Variants in KIFBP observed in about 807,000 individuals in gnomAD.
KIFBP encodes the protein kinesin family binding protein, also known as KIF-binding protein.
KIFBP carries 46 observed loss-of-function variants against 58.9 expected under a neutral mutation model. That is an observed-to-expected ratio of 0.78 (90% CI 0.62 to 1.00). The LOEUF (loss-of-function observed/expected upper bound fraction) is 1.00, where lower values mean the gene tolerates loss of function less well. Ranked by LOEUF, KIFBP falls within the 50% of genes least tolerant of loss-of-function variation. KIFBP has a pLI of 0.00. For synonymous variants in KIFBP, 241 were observed against 283.4 expected (o/e 0.85, Z 1.50); for missense variants, 651 against 752.9 (o/e 0.86, Z 1.58).
chr10:68,997,963 T>C (rs1412042910), intron 1 of KIFBP, among the ~76,000 whole-genome samples: 1 of 151,714 alleles, frequency 6.6e-6, no homozygotes, highest in African/African-American at 2.4e-5. Flanking sequence ...TCTGAAACCA[T>C]GAAACCATGA....
chr10:68,989,020 C>G lies in KIFBP; in HGVS notation c.188C>G (p.Ala63Gly), dbSNP rs774462618. The G allele has an allele frequency of 3.1e-6, 5 of 1,613,930 alleles. No homozygotes were observed. Among genetic ancestry groups the G allele is most frequent in the Non-Finnish European group, 4.2e-6 (5 of 1,179,894 alleles). ...GAGGACGAGGATGAGCGGCCTGAGG[C>G]CGAGGACGGCCCGGGTGCCGGTGAC... is the stretch of plus-strand genomic sequence containing the variant. Reference protein sequence around the residue: ...APEDEDERPEAEDGPGAGDHA... With the variant: ...APEDEDERPEGEDGPGAGDHA... The change falls in exon 1 of 7, where the codon GCC (alanine) becomes GGC (glycine). Residue 63 changes from alanine (A) to glycine (G), a missense_variant. Ala to Gly is a moderately conservative substitution (Grantham distance 60, BLOSUM62 0). Coordinates refer to ENST00000361983, the MANE Select transcript of KIFBP (RefSeq NM_015634.4).
In KIFBP at chr10:69,015,636, T is replaced by C. The variant is rs1178133354; in HGVS notation, c.1086T>C (p.Ala362=). ...LDEEESIRKK[A]VQFGTGELCD... ...AGGAGGAAAGCATTCGGAAAAAAGC[T>C]GTGCAGTTTGGAACCGGTGAACTGT... The change falls in exon 7 of 7, where the codon GCT becomes GCC. Residue 362 remains alanine, a synonymous_variant. Coordinates refer to ENST00000361983, the MANE Select transcript of KIFBP (RefSeq NM_015634.4). 1.2e-6 allele frequency: 2 copies of C among 1,614,072 alleles called. No individual in the cohort carries two copies.
chr10:69,008,391 A>AATAATATATAT lies in KIFBP; in HGVS notation c.790-447_790-446insATATATATATA, dbSNP rs1554843386. On this transcript the variant is annotated intron_variant, in intron 4 of 6. Transcript: ENST00000361983. ...CCCCTGTCTCGTAAAAAAAAAAAAA[A>AATAATATATAT]ATATATATATATATATATATATATA... 3.9e-4 allele frequency among the ~76,000 whole-genome samples: 28 copies of AATAATATATAT among 71,616 alleles called. 1 individual carries two copies. Among genetic ancestry groups the AATAATATATAT allele is most frequent in the African/African-American group, 1.6e-3 (21 of 12,886 alleles). 47.0% of individuals were successfully genotyped at this position (71,616 alleles called of 152,430 possible).
At chr10:68,995,367 C>G (rs1458599576) in intron 1 of KIFBP, 2 of 152,106 alleles carry the variant, frequency 1.3e-5, no homozygotes, top group Non-Finnish European at 2.9e-5. Context: ...CTTTTTTCCA[C>G]TCAACATCGT....
At chr10:69,000,366 G>T in intron 1 of KIFBP, 58 bp from the exon 2 acceptor site, 1 of 1,149,332 alleles carries the variant, frequency 8.7e-7, no homozygotes, top group Admixed American at 1.7e-5. Context: ...AACTATGAAA[G>T]TTACTTTAAT....
At chr10:69,003,867 T>C in intron 2 of KIFBP, among the ~76,000 whole-genome samples, 1 of 152,218 alleles carries the variant, frequency 6.6e-6, no homozygotes, top group South Asian at 2.1e-4. Context: ...TTTTCCTATT[T>C]GTTTTGCTTA....
At chr10:68,994,159 C>T (rs1206578856) in intron 1 of KIFBP, among the ~76,000 whole-genome samples, 1 of 151,408 alleles carries the variant, frequency 6.6e-6, no homozygotes, top group Non-Finnish European at 1.5e-5. Flanking sequence ...GCACTCCAGC[C>T]TGGGTGACAG....
intron 1 of KIFBP, chr10:68,991,549 G>T (rs956121236): frequency 6.9e-6 from 3 of 434,380 alleles, no homozygotes; most frequent in South Asian, 1.8e-5. Flanking sequence ...CAAAGCTAAG[G>T]CATTGGCAGC....
At chr10:68,991,988 TTTTTTA>T (rs758300375) in intron 1 of KIFBP, among the ~76,000 whole-genome samples, 1 of 151,400 alleles carries the variant, frequency 6.6e-6, no homozygotes, top group East Asian at 1.9e-4. Context: ...TTTTTGCTTG[TTTTTTA>T]TTTTTATTTT....
Position 68,991,236 on chromosome 10 carries a change from C to T in KIFBP, c.426+1978C>T, listed in dbSNP as rs553741219. The T allele has an allele frequency of 2.6e-4, 40 of 156,070 alleles. 1 individual carries two copies. Among genetic ancestry groups the T allele is most frequent in the South Asian group, 1.9e-3 (10 of 5,376 alleles). 9.7% of individuals were successfully genotyped at this position (156,070 alleles called of 1,614,324 possible). On this transcript the variant is annotated intron_variant, in intron 1 of 6. Transcript: ENST00000361983. Reference sequence around the variant, plus strand: ...GGCTTCCTTTACTTACCAGCAGCTCCAGGGCCTCTGAGACCTTCTAACAGT... The same window carrying T: ...GGCTTCCTTTACTTACCAGCAGCTCTAGGGCCTCTGAGACCTTCTAACAGT...
In KIFBP at chr10:69,016,592, C is replaced by T; in HGVS notation, c.*176C>T. The T allele has an allele frequency of 1.6e-6, 1 of 608,494 alleles. No individual in the cohort carries two copies. Among genetic ancestry groups the T allele is most frequent in the South Asian group, 2.3e-5 (1 of 44,212 alleles). The allele number at this position is 608,494 out of a possible 1,614,324, so 37.7% of individuals were successfully genotyped here. ...TAAGGAACATAAAGTTAATTAAAAA[C>T]TTACACCTAATTATGTAAATTGCCT... On this transcript the variant is annotated 3_prime_UTR_variant, in exon 7 of 7. Coordinates refer to ENST00000361983, the MANE Select transcript of KIFBP (RefSeq NM_015634.4).
chr10:68,994,930 G>C (rs1843389650), intron 1 of KIFBP, among the ~76,000 whole-genome samples: 1 of 151,750 alleles, frequency 6.6e-6, no homozygotes, highest in African/African-American at 2.4e-5. Context: ...TAGAGACAGG[G>C]TCTTACTATG....
At chr10:69,011,192 C>T (rs183230476) in intron 6 of KIFBP, 177 bp downstream of exon 6, 139 of 591,714 alleles carry the variant, frequency 2.3e-4, no homozygotes, top group African/African-American at 1.4e-3. Context: ...TGCTTGAATC[C>T]GGGAGGCAGA....
chr10:69,005,197 A>T (rs1323898577), intron 3 of KIFBP, 72 bp downstream of exon 3: 3 of 1,124,744 alleles, frequency 2.7e-6, no homozygotes, highest in Admixed American at 3.5e-5. Flanking sequence ...TCAAAAAGTC[A>T]CTTATAAAGG....
At chr10:69,014,598 G>A (rs1268647489) in intron 6 of KIFBP, among the ~76,000 whole-genome samples, 1 of 152,102 alleles carries the variant, frequency 6.6e-6, no homozygotes, top group Non-Finnish European at 1.5e-5. Flanking sequence ...AAGATCATTG[G>A]TGAGACAGTG....
chr10:69,013,314 A>G (rs1843613138), intron 6 of KIFBP, among the ~76,000 whole-genome samples: 2 of 152,222 alleles, frequency 1.3e-5, no homozygotes, highest in Admixed American at 6.5e-5. Flanking sequence ...ATAGGTCTTG[A>G]AAAGATGAAG....
chr10:69,016,558 C>G lies in KIFBP; in HGVS notation c.*142C>G. 1 of 776,094 alleles carries G rather than the reference C, an allele frequency of 1.3e-6. No individual in the cohort carries two copies. The highest frequency in any genetic ancestry group is 2.1e-6 in the Non-Finnish European group (1 of 473,192). 48.1% of individuals were successfully genotyped at this position (776,094 alleles called of 1,614,324 possible). Reference sequence around the variant, plus strand: ...TGAGATACAGTCAACTGAGTGTTTGCTAGGATCCTAAGGAACATAAAGTTA... The same window carrying G: ...TGAGATACAGTCAACTGAGTGTTTGGTAGGATCCTAAGGAACATAAAGTTA... On this transcript the variant is annotated 3_prime_UTR_variant, in exon 7 of 7. Transcript: ENST00000361983.
At chr10:69,003,173 G>A (rs2246006) in intron 2 of KIFBP, among the ~76,000 whole-genome samples, 12,104 of 152,128 alleles carry the variant, frequency 0.08, 661 homozygotes, top group African/African-American at 0.15. Flanking sequence ...TTAAGAGACT[G>A]ATTTGACTGT....
At chr10:69,011,463 G>A (rs1843590521) in intron 6 of KIFBP, among the ~76,000 whole-genome samples, 1 of 145,138 alleles carries the variant, frequency 6.9e-6, no homozygotes, top group Non-Finnish European at 1.5e-5. Context: ...GCGTGATCAT[G>A]GGTCACTGCA....
Sources: gnomAD v4.1 joint callset for allele counts (sites outside exome capture counted in the v4.1 genomes callset) on GRCh38, gnomAD v4.1.1 for gene constraint, MANE v1.5 for transcripts, NCBI Gene and HGNC (gene_info 2026-07-23, HGNC 2026-07-21) for gene names.